The following PDE4D variants were observed in gnomAD, a reference collection of about 807,000 sequenced individuals.
PDE4D encodes the protein phosphodiesterase 4D.
Under a neutral mutation model 87.4 loss-of-function variants are expected in PDE4D, and 24 were observed. The ratio of observed to expected loss-of-function variants is 0.27; its 90% confidence interval spans 0.20 to 0.39. The LOEUF (loss-of-function observed/expected upper bound fraction) is 0.39. PDE4D is among the 10% of genes least tolerant of loss of function. The pLI, the probability that PDE4D is intolerant of heterozygous loss-of-function variation, is 1.00. For synonymous variants in PDE4D, 384 were observed against 383.2 expected (o/e 1.00, Z -0.02); for missense variants, 714 against 1,041.0 (o/e 0.69, Z 4.32).
intron 1 of PDE4D, among the ~76,000 whole-genome samples, chr5:60,384,015 T>G (rs1762040131): frequency 6.6e-6 from 1 of 152,062 alleles, no homozygotes; most frequent in Non-Finnish European, 1.5e-5. Flanking sequence ...CACAAATAAC[T>G]AAATAGTATA....
chr5:59,019,785 GTAT>G (rs35005183), intron 6 of PDE4D, among the ~76,000 whole-genome samples: 15,237 of 152,036 alleles, frequency 0.1, 1,013 homozygotes, highest in Non-Finnish European at 0.13. Flanking sequence ...GGAACATAAT[GTAT>G]TATTACCCTA....
chr5:58,993,090 T>C (rs1385555064), intron 7 of PDE4D, among the ~76,000 whole-genome samples: 1 of 152,130 alleles, frequency 6.6e-6, no homozygotes, highest in East Asian at 1.9e-4. Context: ...GATCTCTCTA[T>C]AAAATATATT....
intron 1 of PDE4D, among the ~76,000 whole-genome samples, chr5:60,434,886 G>A (rs1744640979): frequency 6.6e-6 from 1 of 152,086 alleles, no homozygotes; most frequent in Non-Finnish European, 1.5e-5. Context: ...AGAAAATGCT[G>A]ATGGAGATAC....
intron 11 of PDE4D, among the ~76,000 whole-genome samples, chr5:58,984,696 C>G (rs1420353552): frequency 1.3e-5 from 2 of 152,146 alleles, no homozygotes; most frequent in African/African-American, 4.8e-5. Context: ...AACCAAAAAC[C>G]GCATGCTTTG....
Position 59,584,003 on chromosome 5 carries a change from C to T in PDE4D, c.455+309165G>A, listed in dbSNP as rs1390335463. Among the ~76,000 whole-genome samples, 7 of 152,318 alleles carry T rather than the reference C, an allele frequency of 4.6e-5. No individual in the cohort carries two copies. The South Asian group carries it at 1.4e-3, about 32-fold the overall frequency. On this transcript the variant is annotated intron_variant, in intron 1 of 14. Transcript: ENST00000340635. ...CTTAGCACTGGCCTGTTGCCAACTT[C>T]TGATCGGTCCCTTCACGAAGAAAAG...
intron 1 of PDE4D, among the ~76,000 whole-genome samples, chr5:59,779,957 C>T (rs1764444688): frequency 6.6e-6 from 1 of 152,188 alleles, no homozygotes; most frequent in Non-Finnish European, 1.5e-5. Flanking sequence ...TCTTTGAGAT[C>T]CCACGTTTTT....
chr5:60,473,661 C>A (rs1415890214), intron 1 of PDE4D, among the ~76,000 whole-genome samples: 1 of 152,032 alleles, frequency 6.6e-6, no homozygotes. Flanking sequence ...CCTTCCCCTG[C>A]CACTCCACTC....
intron 1 of PDE4D, among the ~76,000 whole-genome samples, chr5:60,236,344 T>G (rs1028261080): frequency 2.0e-5 from 3 of 151,914 alleles, no homozygotes; most frequent in African/African-American, 7.2e-5. Context: ...AAAACAAATA[T>G]TATAGAGGAC....
intron 5 of PDE4D, among the ~76,000 whole-genome samples, chr5:59,046,693 T>C (rs1760762937): frequency 6.6e-6 from 1 of 152,170 alleles, no homozygotes. Context: ...GTTTTATTCA[T>C]TGAAGGGACT....
chr5:59,885,619 T>A (rs547927649), intron 1 of PDE4D, among the ~76,000 whole-genome samples: 63 of 152,314 alleles, frequency 4.1e-4, no homozygotes, highest in Non-Finnish European at 7.8e-4. Context: ...ATGTAATGAA[T>A]CTTGTAGAGC....
At chr5:60,012,627 A>G (rs1765122172) in intron 2 of PDE4D, among the ~76,000 whole-genome samples, 1 of 152,238 alleles carries the variant, frequency 6.6e-6, no homozygotes, top group Non-Finnish European at 1.5e-5. Context: ...AGATGGAACA[A>G]AAGATGGCAG....
rs1448474006 is a variant in PDE4D, at chr5:59,985,124, G to T, written c.272+3364C>A. On this transcript the variant is annotated intron_variant, in intron 3 of 16. Coordinates refer to the PDE4D transcript ENST00000502484. ...AATATAAGCCCGAACTTCACCTTTC[G>T]TTTTTTGTTTTTTGTTTTTTGTTTT... 1.2e-3 allele frequency among the ~76,000 whole-genome samples: 138 copies of T among 111,202 alleles called. 1 individual carries two copies. Among genetic ancestry groups the T allele is most frequent in the East Asian group, 1.9e-3 (5 of 2,656 alleles). The allele number at this position is 111,202 out of a possible 152,430, so 73.0% of individuals were successfully genotyped here. A position where few individuals can be genotyped will look rare whatever the true frequency, so the allele number is the denominator to read the frequency against.
chr5:59,508,961 C>G (rs1562306053), intron 1 of PDE4D, among the ~76,000 whole-genome samples: 1 of 151,798 alleles, frequency 6.6e-6, no homozygotes, highest in Non-Finnish European at 1.5e-5. Context: ...CAACATAAGT[C>G]TTACTAGGGT....
At chr5:59,511,873 C>T (rs972324335) in intron 1 of PDE4D, among the ~76,000 whole-genome samples, 1 of 152,054 alleles carries the variant, frequency 6.6e-6, no homozygotes, top group Non-Finnish European at 1.5e-5. Context: ...ACATGATTAG[C>T]AATCTGAAAA....
chr5:59,969,611 G>C (rs531090292), intron 3 of PDE4D, among the ~76,000 whole-genome samples: 1 of 152,226 alleles, frequency 6.6e-6, no homozygotes, highest in Admixed American at 6.5e-5. Flanking sequence ...TTGAATTGTA[G>C]TTCTCATAAT....
At chr5:59,836,618 G>GTATCATCTATC (rs1742077536) in intron 1 of PDE4D, among the ~76,000 whole-genome samples, 1 of 140,372 alleles carries the variant, frequency 7.1e-6, no homozygotes, top group Non-Finnish European at 1.5e-5. Flanking sequence ...CTTCCAAGAT[G>GTATCATCTATC]TATCTATCTA....
intron 6 of PDE4D, among the ~76,000 whole-genome samples, chr5:59,020,366 AG>A (rs1288790197): frequency 1.3e-5 from 2 of 152,058 alleles, no homozygotes; most frequent in Non-Finnish European, 2.9e-5. Flanking sequence ...CCCACTACTC[AG>A]GAGGCTGAGG....
chr5:60,164,143 A>G (rs1351265592), intron 2 of PDE4D, among the ~76,000 whole-genome samples: 1 of 152,182 alleles, frequency 6.6e-6, no homozygotes, highest in Non-Finnish European at 1.5e-5. Flanking sequence ...AATTTAATAA[A>G]AATAAATTCT....
intron 1 of PDE4D, among the ~76,000 whole-genome samples, chr5:60,239,523 A>G (rs954720122): frequency 2.6e-5 from 4 of 152,176 alleles, no homozygotes; most frequent in African/African-American, 9.6e-5. Context: ...AAATGAATAC[A>G]GAAAGAATTG....
Sources: allele counts gnomAD v4.1 joint callset (sites outside exome capture counted in the v4.1 genomes callset), GRCh38; gene constraint gnomAD v4.1.1; transcripts MANE v1.5; gene names NCBI Gene and HGNC (gene_info 2026-07-23, HGNC 2026-07-21).